Variants in SMG6 observed in about 807,000 individuals in gnomAD.
SMG6 encodes SMG6 nonsense mediated mRNA decay factor.
SMG6 carries 66 observed loss-of-function variants against 142.2 expected under a neutral mutation model. That is an observed-to-expected ratio of 0.46 (90% CI 0.38 to 0.57). SMG6 has a LOEUF of 0.57. SMG6 is among the 20% of genes least tolerant of loss of function. The probability of loss-of-function intolerance (pLI) is 0.00; values close to 1 mark genes in which losing one functional copy is unlikely to be tolerated. For missense variants in SMG6, 1,793 were observed against 1,832.0 expected (o/e 0.98, Z 0.39); for synonymous variants, 779 against 702.4 (o/e 1.11, Z -1.72).
At chr17:2,302,071 G>A (rs2075291083) in intron 1 of SMG6, among the ~76,000 whole-genome samples, 1 of 151,884 alleles carries the variant, frequency 6.6e-6, no homozygotes, top group Non-Finnish European at 1.5e-5. Context: ...TGGGCAACAT[G>A]GCAACACCCT....
At chr17:2,193,066 A>G (rs879326855) in intron 10 of SMG6, among the ~76,000 whole-genome samples, 2 of 152,172 alleles carry the variant, frequency 1.3e-5, no homozygotes, top group Non-Finnish European at 2.9e-5. Context: ...ACATGGTGGA[A>G]TATTTGTCCC....
At chr17:2,107,265 CG>C (rs2069180656) in intron 13 of SMG6, among the ~76,000 whole-genome samples, 1 of 152,012 alleles carries the variant, frequency 6.6e-6, no homozygotes, top group South Asian at 2.1e-4. Flanking sequence ...CTAGACCTCT[CG>C]GGAGTTCATG....
At chr17:2,180,272 G>A (rs1189185630) in intron 12 of SMG6, among the ~76,000 whole-genome samples, 1 of 152,224 alleles carries the variant, frequency 6.6e-6, no homozygotes, top group East Asian at 1.9e-4. Context: ...AAACCAAGCA[G>A]TCTGTCCTAA....
In SMG6 at chr17:2,288,890, T is replaced by C. The variant is rs1024862849; in HGVS notation, c.2337+3662A>G. On this transcript the variant is annotated intron_variant, in intron 6 of 18. Coordinates refer to ENST00000263073, the MANE Select transcript of SMG6 (RefSeq NM_017575.5). ...GTCAGGAGATTGAGACCATCCTGGC[T>C]AACACAGTGAAACCCCGTCTCTACT... Among the ~76,000 whole-genome samples the C allele has an allele frequency of 9.0e-4, 136 of 151,596 alleles. 1 individual carries two copies. The highest frequency in any genetic ancestry group is 3.2e-3 in the African/African-American group (133 of 41,384).
intron 10 of SMG6, chr17:2,215,513 T>C (rs2072990412): frequency 6.6e-6 from 1 of 152,192 alleles, no homozygotes; most frequent in Non-Finnish European, 1.5e-5. Context: ...TAGTTCTTAA[T>C]AAATATCTTG....
At chr17:2,282,566 C>A (rs2074812496) in intron 8 of SMG6, 81 bp downstream of exon 8, 2 of 1,374,750 alleles carry the variant, frequency 1.5e-6, no homozygotes, top group African/African-American at 2.9e-5. Context: ...TGGGAAGTAT[C>A]TGTGCCTCAC....
intron 15 of SMG6, among the ~76,000 whole-genome samples, chr17:2,076,535 CAT>C (rs760536366): frequency 1.8e-4 from 28 of 152,232 alleles, no homozygotes; most frequent in African/African-American, 4.6e-4. Context: ...TGAGGGCACA[CAT>C]GTGTGTGCTC....
chr17:2,265,673 C>T (rs1356529436), intron 8 of SMG6, among the ~76,000 whole-genome samples: 4 of 152,190 alleles, frequency 2.6e-5, no homozygotes, highest in African/African-American at 9.7e-5. Context: ...GCTTCGTGAG[C>T]CACGTACATC....
intron 13 of SMG6, among the ~76,000 whole-genome samples, chr17:2,102,359 GA>G (rs2069032476): frequency 6.6e-6 from 1 of 151,556 alleles, no homozygotes; most frequent in Non-Finnish European, 1.5e-5. Context: ...ACTCTTAAAG[GA>G]ATTTTTTTTT....
At chr17:2,275,704 C>T (rs2074633936) in intron 8 of SMG6, among the ~76,000 whole-genome samples, 1 of 152,196 alleles carries the variant, frequency 6.6e-6, no homozygotes, top group African/African-American at 2.4e-5. Context: ...AGACGAAGAA[C>T]AGCAGAAGAT....
intron 9 of SMG6, chr17:2,237,572 G>C (rs2073698883): frequency 1.0e-6 from 1 of 985,208 alleles, no homozygotes. Flanking sequence ...TGCTCATCGG[G>C]GTCTGTATGT....
chr17:2,184,657 C>CAAAA (rs150364302), intron 12 of SMG6, among the ~76,000 whole-genome samples: 1 of 52,794 alleles, frequency 1.9e-5, no homozygotes, highest in Admixed American at 2.4e-4. Context: ...AACTCCGTCT[C>CAAAA]AAAAAAAAAA....
rs2075252997 is a variant in SMG6 at position 2,300,374 on chromosome 17, G to C, written c.379C>G (p.Gln127Glu). 6.2e-7 allele frequency: 1 copy of C among 1,613,918 alleles called. No homozygotes were observed. The highest frequency in any genetic ancestry group is 8.5e-7 in the Non-Finnish European group (1 of 1,180,040). The change falls in exon 2 of 19, where the codon CAA becomes GAA. Residue 127 changes from glutamine (Q) to glutamate (E), a missense_variant. Gln to Glu is a conservative substitution (Grantham distance 29). This residue lies in a region of SMG6 where 1,597 missense variants were observed against 1,584.6 expected (regional missense o/e 1.01). Coordinates refer to ENST00000263073, the MANE Select transcript of SMG6 (RefSeq NM_017575.5). ...ATAATTTTTAGACTACGATCCTCTTGTCCAGCAGTCCTAGGAAAGGATTCT... is the reference window on the plus strand; with the variant it reads ...ATAATTTTTAGACTACGATCCTCTTCTCCAGCAGTCCTAGGAAAGGATTCT... The part of the protein sequence containing the change: ...GQESFPRTAG[Q>E]EDRSLKIIKR...
At chr17:2,155,574 A>G (rs1162107295) in intron 13 of SMG6, among the ~76,000 whole-genome samples, 1 of 152,216 alleles carries the variant, frequency 6.6e-6, no homozygotes, top group Non-Finnish European at 1.5e-5. Context: ...GTGTTACAGC[A>G]GTACCCAGAA....
intron 10 of SMG6, among the ~76,000 whole-genome samples, chr17:2,203,153 A>G (rs768054298): frequency 1.3e-5 from 2 of 152,230 alleles, no homozygotes; most frequent in Non-Finnish European, 1.5e-5. Flanking sequence ...TGGTACTCCA[A>G]TAGATTTCCT....
chr17:2,252,237 C>T (rs2074062859), intron 8 of SMG6, among the ~76,000 whole-genome samples: 1 of 152,076 alleles, frequency 6.6e-6, no homozygotes. Context: ...CGGTGAAACC[C>T]CGTCTCTACT....
rs532948674 is a variant in SMG6 at position 2,224,053 on chromosome 17, A to T, written c.2869+12439T>A. Among the ~76,000 whole-genome samples the T allele has an allele frequency of 2.6e-5, 4 of 152,248 alleles. No individual in the cohort carries two copies. In the South Asian group the frequency reaches 8.3e-4, roughly 32 times the overall value. On this transcript the variant is annotated intron_variant, in intron 10 of 18. Transcript: ENST00000263073. ...CCCAATCAAACAGCTCATTATTCTG[A>T]AAAAAAGAGTATGTTAAACATCTTT...
intron 8 of SMG6, among the ~76,000 whole-genome samples, chr17:2,262,323 G>A (rs963611429): frequency 6.6e-6 from 1 of 152,200 alleles, no homozygotes; most frequent in Non-Finnish European, 1.5e-5. Flanking sequence ...ATAAAGCAGA[G>A]AAAGAACTAT....
In SMG6 at chr17:2,303,752, C is replaced by T; in HGVS notation, c.-32G>A. ...GGCTGCTGCTACAGCCGTAGCGGCT[C>T]CGCCACCGCCGCGCGCAGCCAGGAA... On this transcript the variant is annotated 5_prime_UTR_variant, in exon 1 of 19. Transcript: ENST00000263073. 6.8e-7 allele frequency: 1 copy of T among 1,474,146 alleles called. No individual in the cohort carries two copies. The highest frequency in any genetic ancestry group is 9.0e-7 in the Non-Finnish European group (1 of 1,115,592). The allele number at this position is 1,474,146 out of a possible 1,614,324, so 91.3% of individuals were successfully genotyped here. A position where few individuals can be genotyped will look rare whatever the true frequency, so the allele number is the denominator to read the frequency against.
Sources: allele counts gnomAD v4.1 joint callset (sites outside exome capture counted in the v4.1 genomes callset), GRCh38; gene constraint gnomAD v4.1.1; regional missense constraint gnomAD v4.1.1; transcripts MANE v1.5; gene names NCBI Gene and HGNC (gene_info 2026-07-23, HGNC 2026-07-21).